The following TRPM3 variants were observed in gnomAD, a reference collection of about 807,000 sequenced individuals.
TRPM3 encodes the protein transient receptor potential cation channel subfamily M member 3.
Under a neutral mutation model 181.2 loss-of-function variants are expected in TRPM3, and 77 were observed. The observed-to-expected ratio is 0.42, with a 90% CI of 0.35 to 0.51. The LOEUF (loss-of-function observed/expected upper bound fraction) is 0.51. Among genes scored for constraint, TRPM3 ranks in the 20% least tolerant of loss-of-function variants. The pLI is 0.01. For missense variants in TRPM3, 1,759 were observed against 2,196.7 expected, an observed-to-expected ratio of 0.80 and a Z score of 3.98; for synonymous variants, 745 against 796.4, an observed-to-expected ratio of 0.94 and a Z score of 1.09.
intron 1 of TRPM3, among the ~76,000 whole-genome samples, chr9:71,217,151 C>A (rs1033411826): frequency 1.3e-5 from 2 of 151,380 alleles, no homozygotes; most frequent in African/African-American, 4.9e-5. Context: ...GGGGTTTCAC[C>A]GTGTTAGCCA....
At chr9:71,014,116 G>A (rs1351431196) in intron 1 of TRPM3, among the ~76,000 whole-genome samples, 1 of 151,810 alleles carries the variant, frequency 6.6e-6, no homozygotes, top group African/African-American at 2.4e-5. Context: ...CAGATATATA[G>A]TGTTTTTAAC....
chr9:70,946,433 GTAATAATAA>G (rs55711193), intron 1 of TRPM3, among the ~76,000 whole-genome samples: 7 of 144,664 alleles, frequency 4.8e-5, no homozygotes, highest in East Asian at 2.0e-4. Flanking sequence ...CTGTTAAATG[GTAATAATAA>G]TAATAATAAT....
intron 1 of TRPM3, among the ~76,000 whole-genome samples, chr9:70,869,377 A>G (rs1329318083): frequency 7.3e-6 from 1 of 136,694 alleles, no homozygotes; most frequent in Non-Finnish European, 1.5e-5. Flanking sequence ...ATTTTCAGAG[A>G]GAAAGCTTGT....
At chr9:71,123,664 G>A (rs1565249201), upstream of TRPM3, among the ~76,000 whole-genome samples, 3 of 152,332 alleles carry the variant, frequency 2.0e-5, no homozygotes, top group South Asian at 4.1e-4. Flanking sequence ...GTTACTATGA[G>A]TTTAATAAAT....
At chr9:71,174,478 T>A (rs1282298672) in intron 1 of TRPM3, among the ~76,000 whole-genome samples, 3 of 151,944 alleles carry the variant, frequency 2.0e-5, no homozygotes, top group East Asian at 3.9e-4. Flanking sequence ...GAGGTGGAGG[T>A]TGCAGTGAGC....
intron 22 of TRPM3, among the ~76,000 whole-genome samples, chr9:70,590,361 C>T (rs1451193078): frequency 6.6e-6 from 1 of 152,180 alleles, no homozygotes; most frequent in Non-Finnish European, 1.5e-5. Flanking sequence ...GGCTTGCTGG[C>T]ATTCACTCCC....
chr9:70,694,652 T>C lies in TRPM3; in HGVS notation c.1273-13074A>G, dbSNP rs553538289. 2.6e-5 allele frequency among the ~76,000 whole-genome samples: 4 copies of C among 152,238 alleles called. No homozygotes were observed. The East Asian group carries it at 7.8e-4, about 30-fold the overall frequency. ...CCCGCCACCACGCCCGGCTAATTTT[T>C]TGTATTTTTAGTAGAGATGGGGTTT... On this transcript the variant is annotated intron_variant, in intron 8 of 25. Coordinates refer to ENST00000677713, the MANE Select transcript of TRPM3 (RefSeq NM_001366145.2).
At chr9:71,170,091 G>C (rs2076775454) in intron 1 of TRPM3, among the ~76,000 whole-genome samples, 1 of 151,780 alleles carries the variant, frequency 6.6e-6, no homozygotes, top group African/African-American at 2.4e-5. Flanking sequence ...GATGGTGAGA[G>C]CTGCACAATG....
rs71352362 is a variant in TRPM3 at position 71,232,491 on chromosome 9, C to CTTTTTTTTTTTTTT, written c.183+214148_183+214161dup. 5.1e-5 allele frequency among the ~76,000 whole-genome samples: 3 copies of CTTTTTTTTTTTTTT among 59,126 alleles called. 1 individual carries two copies. The highest frequency in any genetic ancestry group is 7.5e-5 in the African/African-American group (1 of 13,382). 38.8% of individuals were successfully genotyped at this position (59,126 alleles called of 152,430 possible). On this transcript the variant is annotated intron_variant, in intron 1 of 24. Transcript: ENST00000357533. ...CGCACATGGAAATTGAATTCAGTGT[C>CTTTTTTTTTTTTTT]TTTTTTTTTTTTTTTTTTTTTTTTT... is the stretch of plus-strand genomic sequence containing the variant.
intron 9 of TRPM3, among the ~76,000 whole-genome samples, chr9:70,641,509 G>A (rs930641959): frequency 6.6e-6 from 1 of 152,170 alleles, no homozygotes; most frequent in Non-Finnish European, 1.5e-5. Context: ...TGATTTGTGG[G>A]TAGAAACCAT....
chr9:71,016,869 A>G (rs2097789371), intron 1 of TRPM3, among the ~76,000 whole-genome samples: 1 of 152,118 alleles, frequency 6.6e-6, no homozygotes, highest in Admixed American at 6.5e-5. Context: ...ACAGTGTACA[A>G]GTGTTCCAAT....
chr9:70,826,793 A>G (rs1364656601), intron 6 of TRPM3: 1 of 152,258 alleles, frequency 6.6e-6, no homozygotes, highest in Non-Finnish European at 1.5e-5. Flanking sequence ...TCAATCAATT[A>G]GATCAAAGTT....
intron 1 of TRPM3, among the ~76,000 whole-genome samples, chr9:70,940,277 C>T (rs532506960): frequency 9.9e-5 from 15 of 152,262 alleles, no homozygotes; most frequent in African/African-American, 3.4e-4. Context: ...AAACATTTTT[C>T]CCCAATTCAC....
intron 1 of TRPM3, among the ~76,000 whole-genome samples, chr9:71,002,684 C>T (rs376952605): frequency 1.3e-5 from 2 of 151,996 alleles, no homozygotes; most frequent in Non-Finnish European, 2.9e-5. Context: ...TTATTGAAAT[C>T]GAAATCCAAA....
intron 7 of TRPM3, among the ~76,000 whole-genome samples, chr9:70,767,539 T>C (rs1471195970): frequency 2.6e-5 from 4 of 152,166 alleles, no homozygotes; most frequent in Non-Finnish European, 5.9e-5. Context: ...GTCAAGAATT[T>C]AGGCAGGCAC....
At chr9:71,154,964 A>T (rs1027128686) in intron 1 of TRPM3, among the ~76,000 whole-genome samples, 1 of 152,190 alleles carries the variant, frequency 6.6e-6, no homozygotes. Flanking sequence ...TTTTTTTGAC[A>T]GTCTAAAAAT....
Position 70,842,995 on chromosome 9 carries a change from G to A in TRPM3, c.801+8C>T. ...AAGTCATGGAAAGCGACAGCACTCA[G>A]GACTTACATCTCTTCCAATGAGGTC... On this transcript the variant is annotated splice_region_variant and intron_variant, in intron 5 of 25. Coordinates refer to ENST00000677713, the MANE Select transcript of TRPM3 (RefSeq NM_001366145.2). The A allele has an allele frequency of 6.2e-7, 1 of 1,613,258 alleles. No homozygotes were observed. Among genetic ancestry groups the A allele is most frequent in the Non-Finnish European group, 8.5e-7 (1 of 1,179,662 alleles).
At chr9:71,188,726 C>G (rs1181799721) in intron 1 of TRPM3, among the ~76,000 whole-genome samples, 1 of 151,876 alleles carries the variant, frequency 6.6e-6, no homozygotes, top group Non-Finnish European at 1.5e-5. Context: ...ACTATGCTTT[C>G]TTACCTGCAA....
chr9:71,021,647 T>C (rs1196109969), intron 1 of TRPM3, among the ~76,000 whole-genome samples: 1 of 152,190 alleles, frequency 6.6e-6, no homozygotes, highest in African/African-American at 2.4e-5. Context: ...ATGTAAATGT[T>C]GAAAAGTTTC....
Sources: gnomAD v4.1 joint callset for allele counts (sites outside exome capture counted in the v4.1 genomes callset) on GRCh38, gnomAD v4.1.1 for gene constraint, MANE v1.5 for transcripts, NCBI Gene and HGNC (gene_info 2026-07-23, HGNC 2026-07-21) for gene names.